The following GSE1 variants were observed in gnomAD, a reference collection of about 807,000 sequenced individuals.
The protein encoded by GSE1 is Gse1 coiled-coil protein, also known as genetic suppressor element 1.
Under a neutral mutation model 112.6 loss-of-function variants are expected in GSE1, and 32 were observed. The ratio of observed to expected loss-of-function variants is 0.28; its 90% CI spans 0.21 to 0.38. The LOEUF is 0.38. GSE1 is among the 10% of genes least tolerant of loss of function. GSE1 has a pLI of 1.00. For missense variants in GSE1, 2,348 were observed against 1,699.2 expected, an observed-to-expected ratio of 1.38 and a Z score of -6.71; for synonymous variants, 1,115 against 735.6, an observed-to-expected ratio of 1.52 and a Z score of -8.35.
intron 1 of GSE1, among the ~76,000 whole-genome samples, chr16:85,337,193 G>C (rs2046509211): frequency 6.6e-6 from 1 of 152,032 alleles, no homozygotes. Flanking sequence ...ACCCCCGCCT[G>C]CTCCTCAAAG....
intron 1 of GSE1, among the ~76,000 whole-genome samples, chr16:85,631,509 G>A (rs949849388): frequency 6.6e-6 from 1 of 152,248 alleles, no homozygotes; most frequent in East Asian, 1.9e-4. Flanking sequence ...GCTCCAGTGG[G>A]GTGAGCATCG....
At chr16:85,633,070 C>T (rs985193410) in intron 1 of GSE1, among the ~76,000 whole-genome samples, 13 of 152,174 alleles carry the variant, frequency 8.5e-5, no homozygotes, top group African/African-American at 4.8e-5. Context: ...GCCGTTGCTG[C>T]GCCAGGTCGG....
At chr16:85,651,071 C>T (rs1294894946) in intron 3 of GSE1, among the ~76,000 whole-genome samples, 4 of 127,868 alleles carry the variant, frequency 3.1e-5, no homozygotes, top group African/African-American at 1.2e-4. Context: ...CCCCCTCCGC[C>T]CCTCCTCCCC....
chr16:85,657,664 G>A (rs937645775), intron 8 of GSE1, 60 bp downstream of exon 8: 4 of 1,194,058 alleles, frequency 3.3e-6, no homozygotes, highest in Non-Finnish European at 3.4e-6. Context: ...TGTTCAGCGT[G>A]TATTGAGCAC....
intron 2 of GSE1, among the ~76,000 whole-genome samples, chr16:85,532,520 C>T (rs1363952845): frequency 1.3e-5 from 2 of 152,190 alleles, no homozygotes; most frequent in Non-Finnish European, 2.9e-5. Context: ...CCTTGGCCTC[C>T]CAGAGTGCCG....
intron 2 of GSE1, among the ~76,000 whole-genome samples, chr16:85,366,906 C>A (rs1420753177): frequency 1.3e-5 from 2 of 152,216 alleles, no homozygotes; most frequent in South Asian, 4.1e-4. Flanking sequence ...ATGGAAAAGA[C>A]GAGATTGGCT....
At chr16:85,434,604 G>A (rs1446091653) in intron 2 of GSE1, among the ~76,000 whole-genome samples, 2 of 152,072 alleles carry the variant, frequency 1.3e-5, no homozygotes, top group African/African-American at 4.8e-5. Flanking sequence ...GATCACTTGA[G>A]GTCAGGAGTT....
intron 1 of GSE1, among the ~76,000 whole-genome samples, chr16:85,310,404 A>G (rs908765243): frequency 3.9e-5 from 6 of 152,144 alleles, no homozygotes; most frequent in African/African-American, 1.2e-4. Context: ...GTTCTCATTA[A>G]TGTCATTGTC....
chr16:85,621,618 G>C (rs950234707), intron 1 of GSE1, among the ~76,000 whole-genome samples: 1 of 152,206 alleles, frequency 6.6e-6, no homozygotes, highest in Non-Finnish European at 1.5e-5. Flanking sequence ...CTGGTTTCCA[G>C]GTTGAGACTG....
chr16:85,364,818 G>A (rs1333427295), intron 2 of GSE1, among the ~76,000 whole-genome samples: 2 of 152,144 alleles, frequency 1.3e-5, no homozygotes, highest in Non-Finnish European at 1.5e-5. Flanking sequence ...CTCTGTCCCC[G>A]GCAGAAGGGG....
In GSE1 at chr16:85,672,462, C is replaced by A. The variant is rs773775217; in HGVS notation, c.3577C>A (p.Leu1193Met). 14 of 1,610,298 alleles carry A rather than the reference C, an allele frequency of 8.7e-6. No individual in the cohort carries two copies. The highest frequency in any genetic ancestry group is 5.3e-5 in the African/African-American group (4 of 74,862). The change falls in exon 16 of 16, where the codon CTG (leucine) becomes ATG (methionine). Residue 1193 changes from leucine (L) to methionine (M), a missense_variant. By Grantham distance (15) the Leu-to-Met change is conservative. Transcript: ENST00000253458. The part of the protein sequence containing the change: ...VSERERLQAE[L>M]DHLRKCLALP... ...AGAAAGGGAGCGGCTCCAGGCAGAA[C>A]TGGACCACTTACGAAAGTGCCTTGC...
exon 1 of GSE1, chr16:85,170,143 G>T (rs2074335299): frequency 1.0e-6 from 1 of 985,236 alleles, no homozygotes; most frequent in Non-Finnish European, 1.2e-6. Flanking sequence ...AGGGCCTCGC[G>T]GGGGGCGCGG....
chr16:85,175,601 T>C (rs778307894), intron 1 of GSE1, among the ~76,000 whole-genome samples: 2 of 152,186 alleles, frequency 1.3e-5, no homozygotes, highest in Non-Finnish European at 2.9e-5. Flanking sequence ...GGCGCGACGC[T>C]GGGTTTCTGA....
intron 2 of GSE1, among the ~76,000 whole-genome samples, chr16:85,548,243 A>AAAAAG (rs1555530644): frequency 7.6e-5 from 10 of 132,214 alleles, no homozygotes; most frequent in African/African-American, 2.2e-4. Context: ...AAAAAAAAAA[A>AAAAAG]AAAGAAAGAA....
intron 1 of GSE1, among the ~76,000 whole-genome samples, chr16:85,209,099 G>A (rs562523569): frequency 5.3e-5 from 8 of 151,764 alleles, no homozygotes; most frequent in African/African-American, 1.9e-4. Flanking sequence ...GGTCTGCCGC[G>A]TGATGGGGTT....
intron 1 of GSE1, among the ~76,000 whole-genome samples, chr16:85,259,097 G>A (rs1467999628): frequency 1.3e-5 from 2 of 152,148 alleles, no homozygotes; most frequent in East Asian, 3.9e-4. Context: ...GCAGGATAGG[G>A]GCTCAGTGCA....
intron 2 of GSE1, among the ~76,000 whole-genome samples, chr16:85,639,662 C>T (rs188472654): frequency 9.6e-4 from 147 of 152,376 alleles, no homozygotes; most frequent in Non-Finnish European, 1.7e-3. Context: ...GCTCCACACC[C>T]TGAAGGCAGC....
chr16:85,240,434 C>T (rs1011969364), intron 1 of GSE1, among the ~76,000 whole-genome samples: 6 of 152,254 alleles, frequency 3.9e-5, no homozygotes, highest in African/African-American at 1.4e-4. Flanking sequence ...TCCGGCACTT[C>T]CGACCCCTGC....
intron 1 of GSE1, among the ~76,000 whole-genome samples, chr16:85,599,709 C>T (rs919687625): frequency 2.0e-5 from 3 of 152,254 alleles, no homozygotes; most frequent in African/African-American, 4.8e-5. Flanking sequence ...CCTACCCTCT[C>T]TTCCTTTCTC....
Sources: gnomAD v4.1 joint callset for allele counts (sites outside exome capture counted in the v4.1 genomes callset) on GRCh38, gnomAD v4.1.1 for gene constraint, MANE v1.5 for transcripts, NCBI Gene and HGNC (gene_info 2026-07-23, HGNC 2026-07-21) for gene names.